The following TENM2 variants were observed in gnomAD, a reference collection of about 807,000 sequenced individuals.
TENM2 encodes the protein teneurin transmembrane protein 2.
In TENM2, 52 loss-of-function variants were observed where a neutral mutation model predicts 245.2. The ratio of observed to expected loss-of-function variants is 0.21; its 90% CI spans 0.17 to 0.27. The LOEUF (loss-of-function observed/expected upper bound fraction) is 0.27. Among genes scored for constraint, TENM2 ranks in the 10% least tolerant of loss-of-function variants. The pLI is 1.00. For missense variants in TENM2, 3,046 were observed against 3,666.8 expected, an observed-to-expected ratio of 0.83 and a Z score of 4.37; for synonymous variants, 1,363 against 1,438.9, an observed-to-expected ratio of 0.95 and a Z score of 1.19.
At chr5:167,795,361 A>G (rs1484236331) in intron 2 of TENM2, among the ~76,000 whole-genome samples, 1 of 152,202 alleles carries the variant, frequency 6.6e-6, no homozygotes, top group Non-Finnish European at 1.5e-5. Context: ...GATAATATTT[A>G]TGCTTGCTTT....
intron 3 of TENM2, among the ~76,000 whole-genome samples, chr5:167,888,104 C>A (rs962034602): frequency 6.6e-6 from 1 of 152,156 alleles, no homozygotes. Flanking sequence ...AATAACTTCA[C>A]AAGATCCAAA....
intron 1 of TENM2, among the ~76,000 whole-genome samples, chr5:167,330,917 G>T (rs1757421424): frequency 6.6e-6 from 1 of 152,120 alleles, no homozygotes; most frequent in Admixed American, 6.6e-5. Flanking sequence ...AGGCTTTTAA[G>T]TAGTATTGTG....
In TENM2 at chr5:167,427,645, AG is replaced by A. The variant is rs1199059803; in HGVS notation, c.502+52174del. ...GGAAGAAAGGACGGAAAGGAAGGGAAGGAAGGGACGGGAGGGAAGGAAGGGA... is the reference window on the plus strand; with the variant it reads ...GGAAGAAAGGACGGAAAGGAAGGGAAGAAGGGACGGGAGGGAAGGAAGGGA... On this transcript the variant is annotated intron_variant, in intron 2 of 28. Transcript: ENST00000518659. 5.0e-3 allele frequency among the ~76,000 whole-genome samples: 311 copies of A among 62,230 alleles called. 30 individuals carry two copies. The highest frequency in any genetic ancestry group is 6.8e-3 in the African/African-American group (64 of 9,446). The allele number at this position is 62,230 out of a possible 152,430, so 40.8% of individuals were successfully genotyped here.
At chr5:167,401,039 T>A (rs879439512) in intron 2 of TENM2, among the ~76,000 whole-genome samples, 2 of 151,990 alleles carry the variant, frequency 1.3e-5, no homozygotes, top group South Asian at 2.1e-4. Context: ...TGCAGTAAAC[T>A]GTGATTTTGC....
At chr5:167,251,978 A>G in the TENM2 span, among the ~76,000 whole-genome samples, 7 of 152,258 alleles carry the variant, frequency 4.6e-5, no homozygotes, top group South Asian at 1.5e-3. Flanking sequence ...TCACACCTGA[A>G]GTATATAAAA....
intron 2 of TENM2, among the ~76,000 whole-genome samples, chr5:167,623,093 T>C (rs888269586): frequency 2.6e-5 from 4 of 152,180 alleles, no homozygotes; most frequent in African/African-American, 9.7e-5. Flanking sequence ...TTGTATAAGA[T>C]AGCAAAAGAG....
rs186170974 is a variant in TENM2, at chr5:167,529,041, A to G, written c.502+153568A>G. 1.6e-4 allele frequency among the ~76,000 whole-genome samples: 25 copies of G among 152,318 alleles called. No individual in the cohort carries two copies. The East Asian group carries it at 4.6e-3, about 28-fold the overall frequency. ...CTCTAATAGTCTGCTTTAAATCTATATCTAATAATGGTAAAGATAATAATC... is the reference window on the plus strand; with the variant it reads ...CTCTAATAGTCTGCTTTAAATCTATGTCTAATAATGGTAAAGATAATAATC... On this transcript the variant is annotated intron_variant, in intron 2 of 28. Coordinates refer to ENST00000518659, the Ensembl canonical transcript of TENM2.
chr5:166,984,292 G>A, the TENM2 span, among the ~76,000 whole-genome samples: 3 of 152,064 alleles, frequency 2.0e-5, no homozygotes, highest in African/African-American at 7.2e-5. Flanking sequence ...GATGTAATTG[G>A]TGTGATGAAG....
intron 2 of TENM2, among the ~76,000 whole-genome samples, chr5:167,413,941 A>C (rs1259945702): frequency 6.6e-6 from 1 of 152,178 alleles, no homozygotes; most frequent in East Asian, 1.9e-4. Context: ...AGTAATGAAC[A>C]AAGCTGTTGT....
chr5:167,993,966 C>G (rs533023618), intron 5 of TENM2, among the ~76,000 whole-genome samples: 30 of 152,350 alleles, frequency 2.0e-4, no homozygotes, highest in African/African-American at 7.2e-4. Context: ...TGCTGAGCGC[C>G]CAGGGGCAGG....
intron 1 of TENM2, among the ~76,000 whole-genome samples, chr5:167,315,104 C>A (rs1482117141): frequency 6.6e-6 from 1 of 151,824 alleles, no homozygotes; most frequent in East Asian, 1.9e-4. Context: ...TTTTCATATA[C>A]ATTTAGAGTA....
the TENM2 span, among the ~76,000 whole-genome samples, chr5:167,080,256 G>C: frequency 1.3e-5 from 2 of 152,170 alleles, no homozygotes; most frequent in Non-Finnish European, 2.9e-5. Context: ...TGGTCTTCTA[G>C]GCAAATTATC....
At chr5:167,598,538 GAGA>G (rs1406675065) in intron 2 of TENM2, among the ~76,000 whole-genome samples, 1 of 152,238 alleles carries the variant, frequency 6.6e-6, no homozygotes, top group Non-Finnish European at 1.5e-5. Context: ...GTGATGTCTA[GAGA>G]AGAAGGGTAT....
intron 2 of TENM2, among the ~76,000 whole-genome samples, chr5:167,783,285 G>T (rs1764332028): frequency 1.3e-5 from 2 of 151,736 alleles, no homozygotes; most frequent in Non-Finnish European, 1.5e-5. Context: ...CAAGTCCAAG[G>T]AGAAGGGGTC....
At chr5:167,411,017 T>C (rs1581967358) in intron 2 of TENM2, among the ~76,000 whole-genome samples, 2 of 152,182 alleles carry the variant, frequency 1.3e-5, no homozygotes, top group Middle Eastern at 6.8e-3. Flanking sequence ...TTTAAAATTA[T>C]ACATTTCATT....
intron 2 of TENM2, among the ~76,000 whole-genome samples, chr5:167,700,164 A>C (rs1758044963): frequency 6.6e-6 from 1 of 152,228 alleles, no homozygotes; most frequent in Non-Finnish European, 1.5e-5. Flanking sequence ...TGACTCAAAA[A>C]ATTTACAAAA....
At chr5:167,092,540 T>C in the TENM2 span, among the ~76,000 whole-genome samples, 6 of 152,202 alleles carry the variant, frequency 3.9e-5, no homozygotes, top group East Asian at 7.7e-4. Flanking sequence ...AAAACCATTT[T>C]GGGCCACGGA....
chr5:167,852,591 C>A (rs1561855802), intron 2 of TENM2, among the ~76,000 whole-genome samples: 1 of 152,164 alleles, frequency 6.6e-6, no homozygotes, highest in Non-Finnish European at 1.5e-5. Flanking sequence ...TGACAGCACC[C>A]AATTGTTAGC....
At chr5:167,973,471 G>A (rs1032082658) in intron 4 of TENM2, among the ~76,000 whole-genome samples, 4 of 152,182 alleles carry the variant, frequency 2.6e-5, no homozygotes, top group Non-Finnish European at 5.9e-5. Context: ...CATGGCCCCT[G>A]ACCTCTGGGA....
Sources: gnomAD v4.1 joint callset for allele counts (sites outside exome capture counted in the v4.1 genomes callset) on GRCh38, gnomAD v4.1.1 for gene constraint, MANE v1.5 for transcripts, NCBI Gene and HGNC (gene_info 2026-07-23, HGNC 2026-07-21) for gene names.